The following SEC23B variants were observed in gnomAD, a reference collection of about 807,000 sequenced individuals.
The protein encoded by SEC23B is protein transport protein Sec23B.
SEC23B carries 77 observed loss-of-function variants against 104.3 expected under a neutral mutation model. The ratio of observed to expected loss-of-function variants is 0.74; its 90% confidence interval spans 0.61 to 0.89. SEC23B has a LOEUF of 0.89. Among genes scored for constraint, SEC23B ranks in the 40% least tolerant of loss-of-function variants. SEC23B has a pLI of 0.00. For synonymous variants in SEC23B, 338 were observed against 332.5 expected (o/e 1.02, Z -0.18); for missense variants, 885 against 949.4 (o/e 0.93, Z 0.89).
At chr20:18,510,341 C>A (rs773374882) in intron 1 of SEC23B, among the ~76,000 whole-genome samples, 5 of 152,164 alleles carry the variant, frequency 3.3e-5, no homozygotes, top group Non-Finnish European at 7.3e-5. Flanking sequence ...TTTTTAAGTG[C>A]TTGAAAGGAG....
chr20:18,518,299 A>G (rs1340809824), intron 4 of SEC23B, among the ~76,000 whole-genome samples: 2 of 152,182 alleles, frequency 1.3e-5, no homozygotes, highest in Non-Finnish European at 1.5e-5. Flanking sequence ...ACCAAGAGGT[A>G]TTTTAGTTTC....
At chr20:18,518,354 A>G (rs1370797631) in intron 4 of SEC23B, among the ~76,000 whole-genome samples, 1 of 152,188 alleles carries the variant, frequency 6.6e-6, no homozygotes, top group Non-Finnish European at 1.5e-5. Flanking sequence ...AGTCCCGAGC[A>G]GGGGCAAATC....
intron 6 of SEC23B, 48 bp from the exon 7 acceptor site, chr20:18,525,740 A>G (rs752660882): frequency 2.3e-5 from 37 of 1,606,208 alleles, no homozygotes; most frequent in Middle Eastern, 1.6e-4. Context: ...GTTGAAGACC[A>G]GAGTACTTTA....
chr20:18,522,983 C>T (rs1024509642), intron 4 of SEC23B, among the ~76,000 whole-genome samples: 17 of 151,974 alleles, frequency 1.1e-4, no homozygotes, highest in South Asian at 2.1e-4. Flanking sequence ...AGGAGAATAG[C>T]GTGAACCCAG....
chr20:18,512,862 C>T (rs1327584999), intron 3 of SEC23B, among the ~76,000 whole-genome samples: 2 of 152,064 alleles, frequency 1.3e-5, no homozygotes, highest in Admixed American at 6.6e-5. Flanking sequence ...CCATTCTGGC[C>T]AACATGGTGA....
At chr20:18,515,876 G>A (rs2060020324) in intron 4 of SEC23B, 140 bp downstream of exon 4, 3 of 689,696 alleles carry the variant, frequency 4.3e-6, no homozygotes, top group African/African-American at 3.5e-5. Flanking sequence ...GGTTTGATGT[G>A]TGTGCATCTA....
At chr20:18,554,035 A>T (rs1378188858) in intron 17 of SEC23B, among the ~76,000 whole-genome samples, 200 bp from the exon 18 acceptor site, 1 of 152,040 alleles carries the variant, frequency 6.6e-6, no homozygotes, top group Non-Finnish European at 1.5e-5. Flanking sequence ...TTCCTGGGGG[A>T]ATGCGCAGGC....
chr20:18,511,886 G>A (rs2059985033), intron 2 of SEC23B, among the ~76,000 whole-genome samples: 1 of 151,892 alleles, frequency 6.6e-6, no homozygotes, highest in South Asian at 2.1e-4. Context: ...AAAGATGTTA[G>A]AAAAAAATCA....
At chr20:18,520,153 C>A (rs2060069705) in intron 4 of SEC23B, among the ~76,000 whole-genome samples, 1 of 151,964 alleles carries the variant, frequency 6.6e-6, no homozygotes, top group African/African-American at 2.4e-5. Flanking sequence ...GGGTTTGGCA[C>A]CAAGGGGTGG....
At chr20:18,543,898 A>AT (rs1225175034) in intron 14 of SEC23B, among the ~76,000 whole-genome samples, 2 of 152,226 alleles carry the variant, frequency 1.3e-5, no homozygotes, top group East Asian at 3.8e-4. Flanking sequence ...CACTGGAGAC[A>AT]TGCAGGGATG....
intron 19 of SEC23B, among the ~76,000 whole-genome samples, chr20:18,557,751 T>C (rs1468829274): frequency 2.0e-5 from 3 of 149,696 alleles, no homozygotes; most frequent in African/African-American, 4.9e-5. Context: ...TTTTCTTTTT[T>C]TTTTTTTTTT....
At position 18,548,689 on chromosome 20, in the gene SEC23B, T is replaced by C. The variant is rs374105630; in HGVS notation, c.1824T>C (p.His608=). 3 of 1,614,164 alleles carry C rather than the reference T, an allele frequency of 1.9e-6. No homozygotes were observed. The highest frequency in any genetic ancestry group is 1.7e-6 in the Non-Finnish European group (2 of 1,180,006). The change falls in exon 16 of 20, where the codon CAT becomes CAC. Residue 608 remains histidine (H), a synonymous_variant. Coordinates refer to ENST00000650089, the MANE Select transcript of SEC23B (RefSeq NM_006363.6). ...ATGAGTCGTCATATTACAGACATCA[T>C]TTTGCCCGGCAGGACCTGACCCAGT... ...SPDESSYYRH[H]FARQDLTQSL...
chr20:18,528,100 A>G (rs1451500268), intron 9 of SEC23B, among the ~76,000 whole-genome samples: 1 of 152,304 alleles, frequency 6.6e-6, no homozygotes, highest in African/African-American at 2.4e-5. Flanking sequence ...GTGGTTCTCA[A>G]CATGTGGTGG....
intron 19 of SEC23B, among the ~76,000 whole-genome samples, chr20:18,558,577 A>G (rs542955820): frequency 2.0e-5 from 3 of 152,172 alleles, no homozygotes; most frequent in Non-Finnish European, 4.4e-5. Flanking sequence ...CCCAGGTACT[A>G]CATTTCCATG....
chr20:18,526,266 A>T, intron 7 of SEC23B, 107 bp from the exon 8 acceptor site: 1 of 1,288,076 alleles, frequency 7.8e-7, no homozygotes, highest in Non-Finnish European at 1.1e-6. Context: ...ACCACTTTTT[A>T]GGACAGCTGG....
chr20:18,530,851 A>T (rs749965381), intron 10 of SEC23B, 48 bp downstream of exon 10: 1 of 1,508,084 alleles, frequency 6.6e-7, no homozygotes, highest in African/African-American at 1.4e-5. Context: ...TGTACTGCCC[A>T]GGCTGGTCTC....
In SEC23B at chr20:18,525,888, C is replaced by T. The variant is rs121918224; in HGVS notation, c.790C>T (p.Arg264Ter). The stretch of plus-strand genomic sequence containing the variant: ...AGTAACTCAGGGGAAGAGACCTTTG[C>T]GATCCACTGGTGTGGCTTTGTCCAT... ...WPVTQGKRPL[R>*]STGVALSIAV... Residue 264 changes from arginine (R) to a stop codon, truncating the protein, a stop_gained, in exon 7 of 20, where the codon CGA becomes TGA. Coordinates refer to ENST00000650089, the MANE Select transcript of SEC23B (RefSeq NM_006363.6). LOFTEE classifies it high-confidence loss of function. The T allele has an allele frequency of 2.2e-5, 36 of 1,614,030 alleles. No individual in the cohort carries two copies. The highest frequency in any genetic ancestry group is 3.3e-5 in the South Asian group (3 of 91,080).
intron 9 of SEC23B, among the ~76,000 whole-genome samples, chr20:18,528,310 G>C (rs989043701): frequency 6.6e-6 from 1 of 152,218 alleles, no homozygotes; most frequent in Non-Finnish European, 1.5e-5. Flanking sequence ...AACTTTAAAA[G>C]CTACACTTTC....
Position 18,552,462 on chromosome 20 carries a change from C to A in SEC23B, c.1992+1287C>A, listed in dbSNP as rs145591818. On this transcript the variant is annotated intron_variant, in intron 17 of 19. Transcript: ENST00000650089. ...TCCACGGGTTCCACCTCTGCAGATT[C>A]AATCAACTGCAGGTTAAAAATAATT... Among the ~76,000 whole-genome samples, 831 of 152,082 alleles carry A rather than the reference C, an allele frequency of 5.5e-3. 5 individuals carry two copies. Among genetic ancestry groups the A allele is most frequent in the African/African-American group, 0.019 (788 of 41,484 alleles).
Sources: gnomAD v4.1 joint callset for allele counts (sites outside exome capture counted in the v4.1 genomes callset) on GRCh38, gnomAD v4.1.1 for gene constraint, MANE v1.5 for transcripts, NCBI Gene and HGNC (gene_info 2026-07-23, HGNC 2026-07-21) for gene names.